The following FRMD4B variants were observed in gnomAD, a reference collection of about 807,000 sequenced individuals.
FRMD4B encodes the protein FERM domain-containing protein 4B.
Under a neutral mutation model 141.5 loss-of-function variants are expected in FRMD4B, and 74 were observed. The ratio of observed to expected loss-of-function variants is 0.52; its 90% confidence interval spans 0.43 to 0.63. The LOEUF (loss-of-function observed/expected upper bound fraction) is 0.63, where lower values mean the gene tolerates loss of function less well. Ranked by LOEUF, FRMD4B falls within the 30% of genes least tolerant of loss-of-function variation. The pLI, the probability that FRMD4B is intolerant of heterozygous loss-of-function variation, is 0.00. For missense variants in FRMD4B, 1,366 were observed against 1,253.4 expected, an observed-to-expected ratio of 1.09 and a Z score of -1.36; for synonymous variants, 506 against 467.9, an observed-to-expected ratio of 1.08 and a Z score of -1.05.
Position 69,471,558 on chromosome 3 carries a change from A to G in FRMD4B, c.-128-38797T>C, listed in dbSNP as rs557978417. 1.6e-5 allele frequency: 4 copies of G among 243,724 alleles called. No homozygotes were observed. In the South Asian group the frequency reaches 3.2e-4, roughly 19 times the overall value. The allele number at this position is 243,724 out of a possible 1,614,324, so 15.1% of individuals were successfully genotyped here. ...TCCTATAAAGGTTAATTAGGACTCC[A>G]AGATATCTCAAACTTAATTGTTCAT... On this transcript the variant is annotated intron_variant, in intron 1 of 5. Coordinates refer to the FRMD4B transcript ENST00000459638.
At chr3:69,357,653 A>G (rs747663604) in intron 1 of FRMD4B, among the ~76,000 whole-genome samples, 5 of 152,224 alleles carry the variant, frequency 3.3e-5, no homozygotes, top group Non-Finnish European at 7.3e-5. Context: ...GTTTTATCTC[A>G]AAACTATCAC....
rs1349610625 is a variant in FRMD4B, at chr3:69,530,050, C to T, written c.-129+12156G>A. Reference sequence around the variant, plus strand: ...CTCATGGGCCAACATCTATACCCTGCTTGGTTTGTAATAAAAAGTAAACCG... The same window carrying T: ...CTCATGGGCCAACATCTATACCCTGTTTGGTTTGTAATAAAAAGTAAACCG... On this transcript the variant is annotated intron_variant, in intron 1 of 5. Transcript: ENST00000459638. Among the ~76,000 whole-genome samples the T allele has an allele frequency of 2.0e-5, 3 of 152,198 alleles. No individual in the cohort carries two copies. In the East Asian group the frequency reaches 5.8e-4, roughly 29 times the overall value.
At chr3:69,203,747 A>C (rs575471983) in intron 11 of FRMD4B, among the ~76,000 whole-genome samples, 39 of 152,328 alleles carry the variant, frequency 2.6e-4, no homozygotes, top group Non-Finnish European at 4.9e-4. Flanking sequence ...ACTCAGCCCA[A>C]CGCCTGGCTC....
intron 11 of FRMD4B, among the ~76,000 whole-genome samples, chr3:69,201,269 G>T (rs954843663): frequency 6.6e-6 from 1 of 151,806 alleles, no homozygotes; most frequent in Non-Finnish European, 1.5e-5. Flanking sequence ...ACTTCTGGGG[G>T]CAGATGGTAT....
At chr3:69,518,467 A>G (rs1462030463) in intron 1 of FRMD4B, among the ~76,000 whole-genome samples, 3 of 152,178 alleles carry the variant, frequency 2.0e-5, no homozygotes, top group Admixed American at 2.0e-4. Flanking sequence ...ACTGCCAATT[A>G]TAATATTACA....
intron 1 of FRMD4B, among the ~76,000 whole-genome samples, chr3:69,518,734 G>A (rs1331433520): frequency 1.3e-5 from 2 of 152,184 alleles, no homozygotes; most frequent in African/African-American, 2.4e-5. Context: ...AGAGTTAGCT[G>A]TGGGGAGCTA....
intron 2 of FRMD4B, among the ~76,000 whole-genome samples, chr3:69,412,708 A>G (rs1704778042): frequency 6.6e-6 from 1 of 152,182 alleles, no homozygotes; most frequent in Non-Finnish European, 1.5e-5. Context: ...AACTTGAATG[A>G]GCGAAAAGAC....
intron 19 of FRMD4B, among the ~76,000 whole-genome samples, chr3:69,187,332 G>A (rs1162550116): frequency 6.6e-6 from 1 of 151,710 alleles, no homozygotes; most frequent in Non-Finnish European, 1.5e-5. Context: ...GATCACCTGA[G>A]GTTGGGAGTT....
At chr3:69,203,368 T>G (rs1053442255) in intron 11 of FRMD4B, among the ~76,000 whole-genome samples, 1 of 134,692 alleles carries the variant, frequency 7.4e-6, no homozygotes, top group African/African-American at 2.8e-5. Flanking sequence ...AAAAATACTA[T>G]AAGGAAAAGC....
At chr3:69,310,014 G>A (rs1438807429) in intron 3 of FRMD4B, among the ~76,000 whole-genome samples, 1 of 152,168 alleles carries the variant, frequency 6.6e-6, no homozygotes, top group Non-Finnish European at 1.5e-5. Context: ...TCCAGTAGAG[G>A]ACAGGTCATA....
intron 2 of FRMD4B, among the ~76,000 whole-genome samples, chr3:69,392,534 G>A (rs1704401857): frequency 6.6e-6 from 1 of 152,218 alleles, no homozygotes; most frequent in African/African-American, 2.4e-5. Context: ...GAAAAGCCCA[G>A]CAGCGAGGCT....
At chr3:69,317,754 C>CAAAAAA (rs765280161) in intron 1 of FRMD4B, among the ~76,000 whole-genome samples, 58 of 52,474 alleles carry the variant, frequency 1.1e-3, no homozygotes, top group Admixed American at 1.6e-3. Flanking sequence ...GACACCAACT[C>CAAAAAA]AAAAAAAAAA....
chr3:69,472,199 T>G (rs934155345), intron 1 of FRMD4B: 1 of 283,588 alleles, frequency 3.5e-6, no homozygotes, highest in Non-Finnish European at 7.4e-6. Context: ...AGGATAGCAT[T>G]TACAGAGCTG....
At chr3:69,356,615 G>GTATATATACATATATATAA (rs1288359646) in intron 1 of FRMD4B, among the ~76,000 whole-genome samples, 2 of 147,684 alleles carry the variant, frequency 1.4e-5, no homozygotes, top group Non-Finnish European at 1.5e-5. Context: ...ATACACACAC[G>GTATATATACATATATATAA]TATATATACA....
Position 69,372,383 on chromosome 3 carries a change from G to A in FRMD4B, c.162+13445C>T, listed in dbSNP as rs1261908429. On this transcript the variant is annotated intron_variant, in intron 1 of 22. Transcript: ENST00000398540. ...TAAAAAGTGCTTTAATAAACAATGA[G>A]GCTGGGTGTGATGGCTCATGCCTGT... is the stretch of plus-strand genomic sequence containing the variant. Among the ~76,000 whole-genome samples the A allele has an allele frequency of 5.9e-5, 9 of 152,332 alleles. 1 individual carries two copies. Among genetic ancestry groups the A allele is most frequent in the Admixed American group, 5.2e-4 (8 of 15,294 alleles).
At chr3:69,490,852 T>C (rs1220374804) in intron 1 of FRMD4B, among the ~76,000 whole-genome samples, 1 of 152,152 alleles carries the variant, frequency 6.6e-6, no homozygotes, top group Non-Finnish European at 1.5e-5. Context: ...ATAAGGTTGC[T>C]TGCTTCTGCC....
chr3:69,407,325 G>A (rs375444215), intron 2 of FRMD4B, among the ~76,000 whole-genome samples: 3 of 152,146 alleles, frequency 2.0e-5, no homozygotes, highest in South Asian at 4.1e-4. Flanking sequence ...TAGTAAAGGC[G>A]AGCGTTAGAT....
intron 1 of FRMD4B, among the ~76,000 whole-genome samples, chr3:69,488,821 A>G (rs1176991579): frequency 6.7e-6 from 1 of 148,926 alleles, no homozygotes; most frequent in African/African-American, 2.5e-5. Context: ...CGAACCCAGA[A>G]GGCAGAGGTT....
intron 21 of FRMD4B, 131 bp from the exon 22 acceptor site, chr3:69,176,787 T>C: frequency 1.6e-6 from 1 of 628,188 alleles, no homozygotes; most frequent in East Asian, 2.8e-5. Context: ...AATAACAGAG[T>C]TCCTATTCCA....
Sources: gnomAD v4.1 joint callset for allele counts (sites outside exome capture counted in the v4.1 genomes callset) on GRCh38, gnomAD v4.1.1 for gene constraint, MANE v1.5 for transcripts, NCBI Gene and HGNC (gene_info 2026-07-23, HGNC 2026-07-21) for gene names.